The following THSD7B variants were observed in gnomAD, a reference collection of about 807,000 sequenced individuals.
THSD7B encodes thrombospondin type-1 domain-containing protein 7B.
Under a neutral mutation model 213.6 loss-of-function variants are expected in THSD7B, and 138 were observed. That is an observed-to-expected ratio of 0.65 (90% CI 0.56 to 0.74). THSD7B has a LOEUF of 0.74. Ranked by LOEUF, THSD7B falls within the 30% of genes least tolerant of loss-of-function variation. The probability of loss-of-function intolerance (pLI) is 0.00; values close to 1 mark genes in which losing one functional copy is unlikely to be tolerated. For synonymous variants in THSD7B, 742 were observed against 687.0 expected (o/e 1.08, Z -1.25); for missense variants, 1,931 against 1,991.5 (o/e 0.97, Z 0.58).
intron 5 of THSD7B, among the ~76,000 whole-genome samples, chr2:137,123,071 C>T (rs1573836927): frequency 6.6e-6 from 1 of 152,150 alleles, no homozygotes; most frequent in African/African-American, 2.4e-5. Flanking sequence ...CTTTGTGAAC[C>T]TTCTCACCCT....
chr2:137,465,920 G>A (rs956601826), intron 15 of THSD7B, among the ~76,000 whole-genome samples: 16 of 152,080 alleles, frequency 1.1e-4, no homozygotes, highest in African/African-American at 3.6e-4. Context: ...CCTGATGGCT[G>A]TGTATATTCC....
intron 17 of THSD7B, among the ~76,000 whole-genome samples, chr2:137,602,860 C>T (rs1278720745): frequency 6.6e-6 from 1 of 152,138 alleles, no homozygotes; most frequent in Non-Finnish European, 1.5e-5. Context: ...AAAACCATAG[C>T]ACCTTTCAGT....
In THSD7B at chr2:137,141,763, A is replaced by G. The variant is rs991828343; in HGVS notation, c.1370-18450A>G. Among the ~76,000 whole-genome samples, 3 of 151,934 alleles carry G rather than the reference A, an allele frequency of 2.0e-5. No homozygotes were observed. The East Asian group carries it at 5.8e-4, about 29-fold the overall frequency. On this transcript the variant is annotated intron_variant, in intron 5 of 27. Coordinates refer to ENST00000409968, the MANE Select transcript of THSD7B (RefSeq NM_001316349.2). Reference sequence around the variant, plus strand: ...ATTTAGTTATCACCATCTGCTGGCAATTCTTAATAACAGTGATAAAACACT... The same window carrying G: ...ATTTAGTTATCACCATCTGCTGGCAGTTCTTAATAACAGTGATAAAACACT...
intron 7 of THSD7B, among the ~76,000 whole-genome samples, chr2:137,171,375 G>A (rs1680248238): frequency 6.6e-6 from 1 of 152,092 alleles, no homozygotes; most frequent in African/African-American, 2.4e-5. Context: ...AAAACTAGGT[G>A]GCTTTTTGTT....
chr2:136,918,722 T>C (rs992163252), intron 2 of THSD7B, among the ~76,000 whole-genome samples: 1 of 152,258 alleles, frequency 6.6e-6, no homozygotes, highest in South Asian at 2.1e-4. Context: ...GCTTTTCCTA[T>C]GTCAGGAAGC....
At chr2:137,642,953 G>A (rs1433772478) in intron 21 of THSD7B, among the ~76,000 whole-genome samples, 1 of 152,060 alleles carries the variant, frequency 6.6e-6, no homozygotes, top group Non-Finnish European at 1.5e-5. Context: ...ATTTAATTAG[G>A]CGAAAATCCT....
At chr2:137,395,863 G>T (rs1286797318) in intron 12 of THSD7B, among the ~76,000 whole-genome samples, 1 of 148,588 alleles carries the variant, frequency 6.7e-6, no homozygotes, top group Non-Finnish European at 1.5e-5. Context: ...TCTATTCAGA[G>T]ATTCAACTTC....
intron 2 of THSD7B, among the ~76,000 whole-genome samples, chr2:136,953,412 T>G (rs1685073698): frequency 6.6e-6 from 1 of 152,204 alleles, no homozygotes; most frequent in Non-Finnish European, 1.5e-5. Flanking sequence ...CATATGAGGC[T>G]GTAATATTTA....
chr2:137,342,812 T>A (rs536109466), intron 12 of THSD7B, among the ~76,000 whole-genome samples: 1 of 151,878 alleles, frequency 6.6e-6, no homozygotes, highest in East Asian at 1.9e-4. Flanking sequence ...TTATTCATTC[T>A]GTTTAATGTA....
chr2:137,567,165 AT>A lies in THSD7B; in HGVS notation c.3272+3815del, dbSNP rs1303095952. ...ATTTTATTTTATTTTATTTTATTTT[AT>A]TTTATTTTATTTTATTTTTTGAGAC... On this transcript the variant is annotated intron_variant, in intron 16 of 27. Coordinates refer to ENST00000409968, the MANE Select transcript of THSD7B (RefSeq NM_001316349.2). Among the ~76,000 whole-genome samples the A allele has an allele frequency of 3.3e-5, 5 of 150,596 alleles. No homozygotes were observed. In the East Asian group the frequency reaches 9.7e-4, roughly 29 times the overall value.
intron 17 of THSD7B, among the ~76,000 whole-genome samples, chr2:137,573,721 T>G (rs1466400238): frequency 6.6e-6 from 1 of 152,220 alleles, no homozygotes; most frequent in South Asian, 2.1e-4. Flanking sequence ...AGGTTGGTAG[T>G]ATTACTAGTT....
At chr2:137,440,474 T>TTC (rs1190703860) in intron 14 of THSD7B, among the ~76,000 whole-genome samples, 1 of 151,732 alleles carries the variant, frequency 6.6e-6, no homozygotes, top group Non-Finnish European at 1.5e-5. Flanking sequence ...TTTTTTTTTT[T>TTC]AATTGGACAT....
In THSD7B at chr2:137,490,824, C is replaced by T. The variant is rs576741683; in HGVS notation, c.3138+39801C>T. ...AAGTCCATAAGTTGTCCAAAAAAATCTTTGCATGTATGCATTAATGAATAT... is the reference window on the plus strand; with the variant it reads ...AAGTCCATAAGTTGTCCAAAAAAATTTTTGCATGTATGCATTAATGAATAT... On this transcript the variant is annotated intron_variant, in intron 15 of 27. Transcript: ENST00000409968. 5.9e-5 allele frequency among the ~76,000 whole-genome samples: 9 copies of T among 152,270 alleles called. No homozygotes were observed. In the South Asian group the frequency reaches 8.3e-4, roughly 14 times the overall value.
At chr2:137,275,628 G>A (rs1682852378) in intron 11 of THSD7B, among the ~76,000 whole-genome samples, 1 of 149,496 alleles carries the variant, frequency 6.7e-6, no homozygotes, top group Non-Finnish European at 1.5e-5. Context: ...GTTTATTATT[G>A]CCACTTTTCT....
At chr2:137,249,903 G>C (rs973925212) in intron 10 of THSD7B, among the ~76,000 whole-genome samples, 1 of 152,164 alleles carries the variant, frequency 6.6e-6, no homozygotes, top group Non-Finnish European at 1.5e-5. Flanking sequence ...ACATTAATTT[G>C]ACATGTGCTA....
intron 2 of THSD7B, among the ~76,000 whole-genome samples, chr2:137,054,099 A>T (rs776042201): frequency 3.3e-5 from 5 of 152,244 alleles, no homozygotes; most frequent in Non-Finnish European, 5.9e-5. Flanking sequence ...TTTGCAAAGT[A>T]AAGAATTGTG....
intron 12 of THSD7B, among the ~76,000 whole-genome samples, chr2:137,326,564 G>C (rs1684378914): frequency 6.6e-6 from 1 of 152,148 alleles, no homozygotes; most frequent in South Asian, 2.1e-4. Flanking sequence ...GAAAACGGTG[G>C]CTCTGTTTTT....
chr2:136,895,988 C>T (rs1482653505), intron 2 of THSD7B, among the ~76,000 whole-genome samples: 4 of 152,100 alleles, frequency 2.6e-5, no homozygotes, highest in Non-Finnish European at 5.9e-5. Flanking sequence ...ATGGATATAA[C>T]ACATTTAAAA....
intron 17 of THSD7B, among the ~76,000 whole-genome samples, chr2:137,583,158 C>T (rs1681622496): frequency 6.6e-6 from 1 of 152,168 alleles, no homozygotes; most frequent in African/African-American, 2.4e-5. Context: ...AGTGTCTGTT[C>T]ATATCCTTTG....
Sources: gnomAD v4.1 joint callset for allele counts (sites outside exome capture counted in the v4.1 genomes callset) on GRCh38, gnomAD v4.1.1 for gene constraint, MANE v1.5 for transcripts, NCBI Gene and HGNC (gene_info 2026-07-23, HGNC 2026-07-21) for gene names.